ASPH: variants seen among roughly 807,000 people sequenced by gnomAD.
ASPH encodes the protein aspartate beta-hydroxylase, also known as aspartyl/asparaginyl beta-hydroxylase.
Under a neutral mutation model 118.4 loss-of-function variants are expected in ASPH, and 100 were observed. The observed-to-expected ratio is 0.84, with a 90% CI of 0.72 to 1.00. The LOEUF is 1.00. ASPH is among the 50% of genes least tolerant of loss of function. The pLI, the probability that ASPH is intolerant of heterozygous loss-of-function variation, is 0.00. For missense variants in ASPH, 920 were observed against 919.5 expected, an observed-to-expected ratio of 1.00 and a Z score of -0.01; for synonymous variants, 315 against 325.6, an observed-to-expected ratio of 0.97 and a Z score of 0.35.
chr8:61,650,982 C>T (rs1408260660), intron 5 of ASPH, 68 bp downstream of exon 5: 2 of 1,451,810 alleles, frequency 1.4e-6, no homozygotes, highest in African/African-American at 1.4e-5. Flanking sequence ...AAACAAATGT[C>T]CAAGTCATTT....
At position 61,522,202 on chromosome 8, in the gene ASPH, T is replaced by C. The variant is rs1813348780; in HGVS notation, c.1900+3775A>G. ...GCTGATTCTGGTTTTTTCCTTCAAC[T>C]CTAAAAAGCCAGTCCTTTAAAAAAA... On this transcript the variant is annotated intron_variant, in intron 22 of 24. Coordinates refer to ENST00000379454, the MANE Select transcript of ASPH (RefSeq NM_004318.4). Among the ~76,000 whole-genome samples, 2 of 152,168 alleles carry C rather than the reference T, an allele frequency of 1.3e-5. 1 individual carries two copies. The highest frequency in any genetic ancestry group is 2.9e-5 in the Non-Finnish European group (2 of 68,034).
chr8:61,590,873 G>A (rs146826291), intron 14 of ASPH, among the ~76,000 whole-genome samples: 3 of 152,006 alleles, frequency 2.0e-5, no homozygotes, highest in East Asian at 1.9e-4. Context: ...TTGAGACCTC[G>A]TTTAAATGTC....
intron 1 of ASPH, 32 bp downstream of exon 1, chr8:61,714,237 G>A (rs995498244): frequency 8.6e-5 from 125 of 1,453,434 alleles, no homozygotes; most frequent in Non-Finnish European, 1.1e-4. Flanking sequence ...CCGAGGCGAG[G>A]CCCCAGATCC....
At chr8:61,634,857 C>T (rs1857068429) in intron 12 of ASPH, among the ~76,000 whole-genome samples, 1 of 152,092 alleles carries the variant, frequency 6.6e-6, no homozygotes, top group Non-Finnish European at 1.5e-5. Flanking sequence ...TGATGTTATA[C>T]TAAGAAAGCC....
At position 61,560,189 on chromosome 8, in the gene ASPH, G is replaced by A. The variant is rs150591100; in HGVS notation, c.1437+2555C>T. Reference sequence around the variant, plus strand: ...GTGTTGGCTGAGTGAATGGGTATACGTGAGCAGTGGCGGGTGAGTCAGGAG... The same window carrying A: ...GTGTTGGCTGAGTGAATGGGTATACATGAGCAGTGGCGGGTGAGTCAGGAG... On this transcript the variant is annotated intron_variant, in intron 18 of 24. Coordinates refer to ENST00000379454, the MANE Select transcript of ASPH (RefSeq NM_004318.4). Among the ~76,000 whole-genome samples the A allele has an allele frequency of 3.7e-3, 568 of 152,284 alleles. 2 individuals carry two copies. Among genetic ancestry groups the A allele is most frequent in the African/African-American group, 0.013 (551 of 41,550 alleles).
chr8:61,558,400 AG>A (rs1360049412), intron 18 of ASPH, among the ~76,000 whole-genome samples: 4 of 152,266 alleles, frequency 2.6e-5, no homozygotes, highest in African/African-American at 9.6e-5. Context: ...TATGAACAAA[AG>A]GTGATAGCAG....
At chr8:61,541,304 C>T (rs1821866630) in intron 21 of ASPH, among the ~76,000 whole-genome samples, 1 of 152,102 alleles carries the variant, frequency 6.6e-6, no homozygotes, top group Non-Finnish European at 1.5e-5. Flanking sequence ...GCGGAGCTTG[C>T]AGCGAGCTGA....
At chr8:61,533,552 T>C (rs1195172873) in intron 21 of ASPH, among the ~76,000 whole-genome samples, 1 of 152,228 alleles carries the variant, frequency 6.6e-6, no homozygotes, top group Admixed American at 6.5e-5. Context: ...CAATTGGACA[T>C]CTTGTGAAAG....
intron 1 of ASPH, among the ~76,000 whole-genome samples, chr8:61,696,823 G>A (rs1462021436): frequency 2.0e-5 from 3 of 152,132 alleles, no homozygotes; most frequent in Admixed American, 6.5e-5. Flanking sequence ...GGTGGTGAAA[G>A]AAAAGTTATT....
intron 1 of ASPH, among the ~76,000 whole-genome samples, chr8:61,705,204 C>A (rs909528080): frequency 6.6e-6 from 1 of 152,004 alleles, no homozygotes; most frequent in Admixed American, 6.6e-5. Flanking sequence ...TGACTACCTA[C>A]GGACACAAAG....
chr8:61,676,448 GA>G, intron 3 of ASPH: 1 of 826,892 alleles, frequency 1.2e-6, no homozygotes, highest in Non-Finnish European at 1.8e-6. Flanking sequence ...ACGGTATTTG[GA>G]AAATAAAGAA....
chr8:61,534,561 T>TTTTGCCTC (rs1291717111), intron 21 of ASPH, among the ~76,000 whole-genome samples: 1 of 152,248 alleles, frequency 6.6e-6, no homozygotes, highest in Non-Finnish European at 1.5e-5. Context: ...CCTGGTTTCT[T>TTTTGCCTC]TTTGCCTCTT....
chr8:61,607,074 G>A, intron 14 of ASPH: 7 of 491,562 alleles, frequency 1.4e-5, no homozygotes, highest in Non-Finnish European at 2.5e-5. Context: ...ACAGCATTTT[G>A]TTCATAGTCT....
At chr8:61,679,696 T>C (rs1827003349) in intron 3 of ASPH, among the ~76,000 whole-genome samples, 1 of 151,854 alleles carries the variant, frequency 6.6e-6, no homozygotes, top group Non-Finnish European at 1.5e-5. Context: ...TCATTTAAAG[T>C]AATATAATGA....
intron 1 of ASPH, among the ~76,000 whole-genome samples, chr8:61,699,951 G>A (rs1834844659): frequency 6.6e-6 from 1 of 152,192 alleles, no homozygotes; most frequent in East Asian, 1.9e-4. Flanking sequence ...GGCTACAAGG[G>A]AGCTCAAGCT....
intron 22 of ASPH, among the ~76,000 whole-genome samples, chr8:61,521,261 C>G (rs1035191392): frequency 6.6e-6 from 1 of 152,218 alleles, no homozygotes; most frequent in African/African-American, 2.4e-5. Context: ...TGTTCATGCT[C>G]TTAACCAGAC....
intron 5 of ASPH, among the ~76,000 whole-genome samples, chr8:61,648,362 G>A (rs1453459980): frequency 2.0e-5 from 3 of 152,146 alleles, no homozygotes; most frequent in African/African-American, 7.2e-5. Context: ...TCAGGTGTTA[G>A]AGAATCAGGC....
chr8:61,595,991 G>A (rs1382112093), intron 14 of ASPH, among the ~76,000 whole-genome samples: 1 of 151,884 alleles, frequency 6.6e-6, no homozygotes, highest in Non-Finnish European at 1.5e-5. Flanking sequence ...GTGCCATCTG[G>A]ATGTGTAAGG....
In ASPH at chr8:61,690,414, G is replaced by C. The variant is rs117338094; in HGVS notation, c.104-6226C>G. Among the ~76,000 whole-genome samples the C allele has an allele frequency of 3.9e-5, 6 of 152,232 alleles. No individual in the cohort carries two copies. In the East Asian group the frequency reaches 1.2e-3, roughly 29 times the overall value. On this transcript the variant is annotated intron_variant, in intron 1 of 24. Coordinates refer to ENST00000379454, the MANE Select transcript of ASPH (RefSeq NM_004318.4). ...AGGAAGGCTGGGAGGTGAGGAGAGG[G>C]AAAGAAAAATCTTCAGGAGTAAGAA...
Sources: gnomAD v4.1 joint callset for allele counts (sites outside exome capture counted in the v4.1 genomes callset) on GRCh38, gnomAD v4.1.1 for gene constraint, MANE v1.5 for transcripts, NCBI Gene and HGNC (gene_info 2026-07-23, HGNC 2026-07-21) for gene names.